Variants in LYPD6 observed in about 807,000 individuals in gnomAD.
The protein encoded by LYPD6 is LY6/PLAUR domain containing 6.
In LYPD6, 15 loss-of-function variants were observed where a neutral mutation model predicts 22.7. The ratio of observed to expected loss-of-function variants is 0.66; its 90% CI spans 0.44 to 1.02. LYPD6 has a LOEUF of 1.02. LYPD6 is among the 50% of genes least tolerant of loss of function. The probability of loss-of-function intolerance (pLI) is 0.00; values close to 1 mark genes in which losing one functional copy is unlikely to be tolerated. For synonymous variants in LYPD6, 72 were observed against 77.5 expected (o/e 0.93, Z 0.37); for missense variants, 189 against 208.4 (o/e 0.91, Z 0.57).
chr2:149,422,280 A>G (rs1363185808), intron 1 of LYPD6, among the ~76,000 whole-genome samples: 3 of 152,164 alleles, frequency 2.0e-5, no homozygotes, highest in African/African-American at 7.2e-5. Context: ...AGGCACAGAG[A>G]GGTTAAGCAA....
intron 1 of LYPD6, among the ~76,000 whole-genome samples, chr2:149,348,486 G>A (rs1180114874): frequency 6.6e-6 from 1 of 152,204 alleles, no homozygotes; most frequent in Non-Finnish European, 1.5e-5. Flanking sequence ...AGCTAAGGGA[G>A]AGAGCCCTGA....
At chr2:149,337,711 G>C (rs1278106031) in intron 1 of LYPD6, among the ~76,000 whole-genome samples, 1 of 152,062 alleles carries the variant, frequency 6.6e-6, no homozygotes, top group East Asian at 1.9e-4. Flanking sequence ...ACAGGGATTT[G>C]GTGTACAGAT....
chr2:149,341,641 TCAAA>T (rs1293448637), intron 1 of LYPD6, among the ~76,000 whole-genome samples: 1 of 152,142 alleles, frequency 6.6e-6, no homozygotes, highest in Admixed American at 6.6e-5. Flanking sequence ...GAAATTTATA[TCAAA>T]CAAAAATTTA....
chr2:149,477,094 C>T (rs1004273982), downstream of LYPD6, among the ~76,000 whole-genome samples: 1 of 152,196 alleles, frequency 6.6e-6, no homozygotes, highest in Non-Finnish European at 1.5e-5. Context: ...CACATGTCAG[C>T]ACTGGGTTTA....
At chr2:149,427,479 C>T (rs930069858) in intron 1 of LYPD6, among the ~76,000 whole-genome samples, 1 of 152,202 alleles carries the variant, frequency 6.6e-6, no homozygotes, top group African/African-American at 2.4e-5. Flanking sequence ...GACTCCTTTC[C>T]CTTCTGGCTG....
intron 1 of LYPD6, among the ~76,000 whole-genome samples, chr2:149,353,337 A>T (rs940642341): frequency 6.6e-6 from 1 of 152,208 alleles, no homozygotes; most frequent in Admixed American, 6.5e-5. Context: ...CGAAAACCTC[A>T]CTGTATTTGT....
chr2:149,473,613 G>T lies in LYPD6; in HGVS notation c.*2763G>T, dbSNP rs1331272723. On this transcript the variant is annotated 3_prime_UTR_variant, in exon 5 of 5. Transcript: ENST00000334166. ...ACAGTTTGTAAATCAATGAATAAAGGTTTTGAGTGTATCTTACCAGGCTCC... is the reference window on the plus strand; with the variant it reads ...ACAGTTTGTAAATCAATGAATAAAGTTTTTGAGTGTATCTTACCAGGCTCC... 2.0e-5 allele frequency: 3 copies of T among 152,174 alleles called. No individual in the cohort carries two copies. Among genetic ancestry groups the T allele is most frequent in the Non-Finnish European group, 4.4e-5 (3 of 68,026 alleles). The allele number at this position is 152,174 out of a possible 1,614,324, so 9.4% of individuals were successfully genotyped here.
chr2:149,354,423 G>T (rs1027158741), intron 1 of LYPD6, among the ~76,000 whole-genome samples: 1 of 152,070 alleles, frequency 6.6e-6, no homozygotes, highest in Non-Finnish European at 1.5e-5. Flanking sequence ...GGCCAGGCTG[G>T]TCTCAAACTC....
intron 2 of LYPD6, among the ~76,000 whole-genome samples, chr2:149,448,456 C>T (rs969962094): frequency 2.0e-5 from 3 of 152,018 alleles, no homozygotes; most frequent in African/African-American, 7.3e-5. Flanking sequence ...TTTGTGTATC[C>T]TCCACCAGAG....
chr2:149,476,373 TA>T (rs35146905), downstream of LYPD6, among the ~76,000 whole-genome samples: 1 of 152,110 alleles, frequency 6.6e-6, no homozygotes, highest in Non-Finnish European at 1.5e-5. Flanking sequence ...AGTCATGGCC[TA>T]AAAAGGTAGA....
intron 1 of LYPD6, among the ~76,000 whole-genome samples, chr2:149,415,559 A>G (rs116547833): frequency 0.022 from 3,384 of 152,050 alleles, 108 homozygotes; most frequent in African/African-American, 0.078. Context: ...AGGCTTGGAG[A>G]GCTATCAGAC....
At chr2:149,421,276 G>T (rs1265162453) in intron 1 of LYPD6, among the ~76,000 whole-genome samples, 1 of 151,174 alleles carries the variant, frequency 6.6e-6, no homozygotes, top group African/African-American at 2.4e-5. Context: ...TGTAATCCCA[G>T]CTATTTGGGA....
At chr2:149,454,771 T>A (rs558308000) in intron 3 of LYPD6, among the ~76,000 whole-genome samples, 2 of 152,250 alleles carry the variant, frequency 1.3e-5, no homozygotes, top group South Asian at 2.1e-4. Context: ...CAATAGAAGG[T>A]AGAAGTTAAC....
chr2:149,394,675 G>T (rs1363263177), intron 1 of LYPD6, among the ~76,000 whole-genome samples: 1 of 151,856 alleles, frequency 6.6e-6, no homozygotes, highest in East Asian at 1.9e-4. Flanking sequence ...CTGGTGTGTG[G>T]CATGGGTATA....
rs1681408936 is a variant in LYPD6, at chr2:149,474,135, G to A, written c.*3285G>A. 1 of 152,090 alleles carries A rather than the reference G, an allele frequency of 6.6e-6. No individual in the cohort carries two copies. The highest frequency in any genetic ancestry group is 2.1e-4 in the South Asian group (1 of 4,826). 9.4% of individuals were successfully genotyped at this position (152,090 alleles called of 1,614,324 possible). A position where few individuals can be genotyped will look rare whatever the true frequency, so the allele number is the denominator to read the frequency against. On this transcript the variant is annotated 3_prime_UTR_variant, in exon 5 of 5. Transcript: ENST00000334166. ...CTTAGTAAAGTGATAGACATTGAAA[G>A]CAAGCTTGAAAAATGTCAGTTTGTT...
At chr2:149,461,540 A>G (rs1190762483) in intron 3 of LYPD6, among the ~76,000 whole-genome samples, 1 of 152,026 alleles carries the variant, frequency 6.6e-6, no homozygotes, top group Non-Finnish European at 1.5e-5. Context: ...CATTTTATCA[A>G]GCTGGAGTTA....
At chr2:149,339,845 C>G (rs1442706525) in intron 1 of LYPD6, among the ~76,000 whole-genome samples, 1 of 152,028 alleles carries the variant, frequency 6.6e-6, no homozygotes, top group Admixed American at 6.6e-5. Flanking sequence ...GAGTAATTAC[C>G]ACATAATGGA....
chr2:149,398,537 C>T (rs1682479108), intron 1 of LYPD6, among the ~76,000 whole-genome samples: 1 of 151,822 alleles, frequency 6.6e-6, no homozygotes, highest in African/African-American at 2.4e-5. Context: ...TGCTGCTTTC[C>T]TTACTTTCCT....
intron 3 of LYPD6, among the ~76,000 whole-genome samples, chr2:149,451,849 T>C (rs1680829463): frequency 6.6e-6 from 1 of 152,134 alleles, no homozygotes; most frequent in East Asian, 1.9e-4. Flanking sequence ...AAGATAGGAA[T>C]CTGGTTTCTT....
Sources: allele counts gnomAD v4.1 joint callset (sites outside exome capture counted in the v4.1 genomes callset), GRCh38; gene constraint gnomAD v4.1.1; transcripts MANE v1.5; gene names NCBI Gene and HGNC (gene_info 2026-07-23, HGNC 2026-07-21).